The following DNER variants were observed in gnomAD, a reference collection of about 807,000 sequenced individuals.
DNER encodes delta/notch like EGF repeat containing.
Under a neutral mutation model 78.2 loss-of-function variants are expected in DNER, and 33 were observed. The observed-to-expected ratio is 0.42, with a 90% confidence interval of 0.32 to 0.56. The LOEUF (loss-of-function observed/expected upper bound fraction) is 0.56. Among genes scored for constraint, DNER ranks in the 20% least tolerant of loss-of-function variants. DNER has a pLI of 0.11. For missense variants in DNER, 918 were observed against 975.3 expected (o/e 0.94, Z 0.78); for synonymous variants, 417 against 384.8 (o/e 1.08, Z -0.98).
intron 10 of DNER, among the ~76,000 whole-genome samples, chr2:229,400,050 G>T (rs961918977): frequency 5.9e-5 from 9 of 151,878 alleles, no homozygotes; most frequent in Non-Finnish European, 1.3e-4. Flanking sequence ...TTCCACAAGG[G>T]TATAAGTTAA....
chr2:229,539,666 T>C (rs1194923427), intron 5 of DNER, among the ~76,000 whole-genome samples: 2 of 152,236 alleles, frequency 1.3e-5, no homozygotes, highest in African/African-American at 4.8e-5. Context: ...GTCCCGTTGA[T>C]AGACAGTTCC....
intron 12 of DNER, among the ~76,000 whole-genome samples, chr2:229,364,540 C>A (rs971608184): frequency 6.6e-6 from 1 of 152,124 alleles, no homozygotes; most frequent in African/African-American, 2.4e-5. Flanking sequence ...AGCAGCCATG[C>A]AGGGTCCAAG....
chr2:229,417,962 T>C, intron 9 of DNER, 146 bp downstream of exon 9: 1 of 1,347,436 alleles, frequency 7.4e-7, no homozygotes, highest in African/African-American at 1.4e-5. Flanking sequence ...ATTGGTCTCC[T>C]TGGACCGATT....
chr2:229,405,274 A>G (rs13393630), intron 10 of DNER, among the ~76,000 whole-genome samples: 18,918 of 152,198 alleles, frequency 0.12, 1,874 homozygotes, highest in East Asian at 0.53. Flanking sequence ...AGACAAGGAA[A>G]TAAATGCTCC....
At chr2:229,416,616 G>A (rs193207282) in intron 9 of DNER, among the ~76,000 whole-genome samples, 9 of 152,296 alleles carry the variant, frequency 5.9e-5, no homozygotes, top group Non-Finnish European at 8.8e-5. Context: ...AGGGTCAGAC[G>A]CAGCACAATT....
chr2:229,568,408 A>G (rs1419921122), intron 4 of DNER, among the ~76,000 whole-genome samples: 2 of 152,192 alleles, frequency 1.3e-5, no homozygotes. Flanking sequence ...GGCTGCCTGC[A>G]GCATAGGAGA....
At chr2:229,696,397 C>T (rs1274830574) in intron 1 of DNER, among the ~76,000 whole-genome samples, 2 of 152,170 alleles carry the variant, frequency 1.3e-5, no homozygotes, top group Admixed American at 6.5e-5. Flanking sequence ...GACCAAATAC[C>T]AAAGACCTTT....
rs187531502 is a variant in DNER at position 229,434,548 on chromosome 2, T to G, written c.1486+12768A>C. Among the ~76,000 whole-genome samples the G allele has an allele frequency of 2.3e-3, 351 of 152,308 alleles. 1 individual carries two copies. Among genetic ancestry groups the G allele is most frequent in the Non-Finnish European group, 3.8e-3 (261 of 68,036 alleles). On this transcript the variant is annotated intron_variant, in intron 8 of 12. Coordinates refer to ENST00000341772, the MANE Select transcript of DNER (RefSeq NM_139072.4). Reference sequence around the variant, plus strand: ...TCAATTATATGAGTAAATTCTGAATTCTCTTCCAACTTTCTTTATTAAATT... The same window carrying G: ...TCAATTATATGAGTAAATTCTGAATGCTCTTCCAACTTTCTTTATTAAATT...
At chr2:229,546,469 C>T (rs755485302) in intron 5 of DNER, among the ~76,000 whole-genome samples, 33 of 152,250 alleles carry the variant, frequency 2.2e-4, no homozygotes, top group African/African-American at 8.0e-4. Context: ...GGCACAGTGG[C>T]TCATGCCTGT....
intron 1 of DNER, among the ~76,000 whole-genome samples, chr2:229,620,113 C>T (rs533872659): frequency 1.3e-3 from 204 of 152,278 alleles, no homozygotes; most frequent in African/African-American, 3.9e-3. Context: ...AGAACCAAAG[C>T]GACTCGGATG....
At chr2:229,576,817 T>A (rs1375565794) in intron 4 of DNER, among the ~76,000 whole-genome samples, 1 of 151,776 alleles carries the variant, frequency 6.6e-6, no homozygotes, top group South Asian at 2.1e-4. Context: ...GAAGAACCAG[T>A]GGGAAACCTG....
At chr2:229,646,845 TA>T (rs1192631957) in intron 1 of DNER, among the ~76,000 whole-genome samples, 1 of 152,206 alleles carries the variant, frequency 6.6e-6, no homozygotes, top group Non-Finnish European at 1.5e-5. Context: ...AAATATTTAA[TA>T]TCAAGCAATG....
At chr2:229,706,009 T>G (rs1054045832) in intron 1 of DNER, among the ~76,000 whole-genome samples, 4 of 152,072 alleles carry the variant, frequency 2.6e-5, no homozygotes, top group African/African-American at 9.7e-5. Flanking sequence ...CCAGGAAGAC[T>G]CTAGAGATTT....
chr2:229,435,103 C>T (rs1187821816), intron 8 of DNER, among the ~76,000 whole-genome samples: 1 of 152,062 alleles, frequency 6.6e-6, no homozygotes, highest in Non-Finnish European at 1.5e-5. Flanking sequence ...TTGCTCATGC[C>T]ACTGGGACAT....
At chr2:229,574,105 C>A (rs1697256812) in intron 4 of DNER, among the ~76,000 whole-genome samples, 1 of 152,080 alleles carries the variant, frequency 6.6e-6, no homozygotes, top group South Asian at 2.1e-4. Context: ...GGAAGTGGAG[C>A]AACACAGAAT....
chr2:229,512,809 C>G lies in DNER; in HGVS notation c.1121G>C (p.Ser374Thr). ...CIDANEKQDG[S>T]NFTCVCLPGY... is the part of the protein sequence containing the mutation. ...AGGAAGGCAAACACAGGTGAAATTGCTCCCATCTTGCTTTTCATTTGCATC... is the reference window on the plus strand; with the variant it reads ...AGGAAGGCAAACACAGGTGAAATTGGTCCCATCTTGCTTTTCATTTGCATC... The change falls in exon 6 of 13, where the codon AGC (serine) becomes ACC (threonine). Residue 374 changes from serine (S) to threonine (T), a missense_variant. Physicochemically the swap from Ser to Thr is moderately conservative, Grantham distance 58. Coordinates refer to ENST00000341772, the MANE Select transcript of DNER (RefSeq NM_139072.4). 1 of 1,614,114 alleles carries G rather than the reference C, an allele frequency of 6.2e-7. No homozygotes were observed. The highest frequency in any genetic ancestry group is 2.2e-5 in the East Asian group (1 of 44,882).
At chr2:229,681,200 C>T (rs577749952) in intron 1 of DNER, among the ~76,000 whole-genome samples, 1 of 152,246 alleles carries the variant, frequency 6.6e-6, no homozygotes, top group South Asian at 2.1e-4. Context: ...TCACAACCAG[C>T]AGGTACAAGA....
chr2:229,385,425 C>T (rs1357287037), intron 11 of DNER, among the ~76,000 whole-genome samples: 1 of 152,134 alleles, frequency 6.6e-6, no homozygotes, highest in Admixed American at 6.6e-5. Flanking sequence ...ACAAGGATGC[C>T]TTCTCTCACC....
intron 7 of DNER, among the ~76,000 whole-genome samples, chr2:229,460,400 A>G (rs958729798): frequency 6.6e-6 from 1 of 151,740 alleles, no homozygotes; most frequent in African/African-American, 2.4e-5. Context: ...GAGCTTTTTA[A>G]AAACTACCAG....
Sources: allele counts gnomAD v4.1 joint callset (sites outside exome capture counted in the v4.1 genomes callset), GRCh38; gene constraint gnomAD v4.1.1; transcripts MANE v1.5; gene names NCBI Gene and HGNC (gene_info 2026-07-23, HGNC 2026-07-21).